LRP6: variants seen among roughly 807,000 people sequenced by gnomAD.
LRP6 encodes the protein LDL receptor related protein 6.
LRP6 carries 43 observed loss-of-function variants against 184.1 expected under a neutral mutation model. The observed-to-expected ratio is 0.23, with a 90% CI of 0.18 to 0.30. LRP6 has a LOEUF of 0.30. LRP6 is among the 10% of genes least tolerant of loss of function. The pLI is 1.00. For missense variants in LRP6, 1,571 were observed against 2,005.3 expected (o/e 0.78, Z 4.14); for synonymous variants, 719 against 684.9 (o/e 1.05, Z -0.78).
At chr12:12,166,990 T>G (rs1034016234) in intron 7 of LRP6, among the ~76,000 whole-genome samples, 1 of 152,118 alleles carries the variant, frequency 6.6e-6, no homozygotes, top group African/African-American at 2.4e-5. Flanking sequence ...TCCTAGCTAC[T>G]AGGGAGGCTA....
chr12:12,251,733 G>A (rs1424257257), intron 1 of LRP6, among the ~76,000 whole-genome samples: 1 of 152,120 alleles, frequency 6.6e-6, no homozygotes, highest in Non-Finnish European at 1.5e-5. Context: ...AATCTCCACA[G>A]AAGGCAAAGA....
intron 4 of LRP6, among the ~76,000 whole-genome samples, chr12:12,185,721 G>A (rs1311051006): frequency 6.6e-6 from 1 of 152,114 alleles, no homozygotes; most frequent in Non-Finnish European, 1.5e-5. Context: ...GGTGGGAGGG[G>A]TACACAGAAA....
In LRP6 at chr12:12,151,952, C is replaced by T. The variant is rs975460125; in HGVS notation, c.2792-914G>A. Among the ~76,000 whole-genome samples, 7 of 152,074 alleles carry T rather than the reference C, an allele frequency of 4.6e-5. No homozygotes were observed. The South Asian group carries it at 6.3e-4, about 14-fold the overall frequency. ...TACTATTTTGTTGTTTATGTGAGGA[C>T]GGCATGGAAAGAGAGCAGGTAAAAA... On this transcript the variant is annotated intron_variant, in intron 12 of 22. Coordinates refer to ENST00000261349, the MANE Select transcript of LRP6 (RefSeq NM_002336.3).
At chr12:12,145,626 T>TTC (rs1555105792) in intron 15 of LRP6, among the ~76,000 whole-genome samples, 1 of 74,902 alleles carries the variant, frequency 1.3e-5, no homozygotes, top group East Asian at 6.9e-4. Context: ...TTCTTTTTCT[T>TTC]TTTTTTTTTT....
intron 2 of LRP6, among the ~76,000 whole-genome samples, chr12:12,221,555 T>C (rs911778643): frequency 6.6e-6 from 1 of 152,206 alleles, no homozygotes; most frequent in Middle Eastern, 3.2e-3. Context: ...TATTTTAAAA[T>C]ATCCATTATG....
chr12:12,261,080 A>G (rs566720847), intron 1 of LRP6, among the ~76,000 whole-genome samples: 48 of 152,226 alleles, frequency 3.2e-4, no homozygotes, highest in Non-Finnish European at 5.9e-4. Context: ...AGTTCAGTAC[A>G]GCAAATGGAA....
At position 12,257,353 on chromosome 12, in the gene LRP6, T is replaced by C. The variant is rs554714668; in HGVS notation, c.55+9328A>G. Among the ~76,000 whole-genome samples the C allele has an allele frequency of 2.3e-3, 349 of 150,604 alleles. 2 individuals are homozygous for C. The highest frequency in any genetic ancestry group is 8.3e-3 in the African/African-American group (338 of 40,928). ...CAGCACTTTGGGAGGCCGAGGCGGG[T>C]GGATCACGAGGTCAGGAGATCAGAC... is the stretch of plus-strand genomic sequence containing the variant. On this transcript the variant is annotated intron_variant, in intron 1 of 22. Coordinates refer to ENST00000261349, the MANE Select transcript of LRP6 (RefSeq NM_002336.3).
At chr12:12,253,298 C>T (rs1865370521) in intron 1 of LRP6, among the ~76,000 whole-genome samples, 1 of 152,034 alleles carries the variant, frequency 6.6e-6, no homozygotes, top group South Asian at 2.1e-4. Context: ...AATCATTACG[C>T]TTATAGATAT....
intron 9 of LRP6, among the ~76,000 whole-genome samples, chr12:12,163,634 A>T (rs1862796157): frequency 6.6e-6 from 1 of 151,808 alleles, no homozygotes; most frequent in South Asian, 2.1e-4. Context: ...TAAATCACGA[A>T]TTTTTTTTTA....
chr12:12,184,237 C>A (rs573645559), intron 4 of LRP6, 126 bp from the exon 5 acceptor site: 3 of 754,180 alleles, frequency 4.0e-6, no homozygotes, highest in South Asian at 1.5e-5. Flanking sequence ...GCTTGACTAT[C>A]AAACCATCTG....
At chr12:12,179,206 TAACTC>T (rs1318599212) in intron 7 of LRP6, among the ~76,000 whole-genome samples, 2 of 152,184 alleles carry the variant, frequency 1.3e-5, no homozygotes, top group Non-Finnish European at 2.9e-5. Context: ...GCCACAAACT[TAACTC>T]TACCACTTGG....
intron 2 of LRP6, among the ~76,000 whole-genome samples, chr12:12,225,458 T>C (rs564968426): frequency 1.3e-5 from 2 of 152,118 alleles, no homozygotes; most frequent in South Asian, 2.1e-4. Flanking sequence ...AGCACCCGAG[T>C]AGGAAAACCT....
chr12:12,142,930 T>C (rs1426959787), intron 15 of LRP6, among the ~76,000 whole-genome samples: 1 of 152,100 alleles, frequency 6.6e-6, no homozygotes, highest in African/African-American at 2.4e-5. Flanking sequence ...GATTCTATTA[T>C]CATCCTATTC....
At chr12:12,237,748 T>A (rs1864961533) in intron 2 of LRP6, among the ~76,000 whole-genome samples, 1 of 152,132 alleles carries the variant, frequency 6.6e-6, no homozygotes, top group Admixed American at 6.6e-5. Context: ...TGGCCAATAA[T>A]CTTCAAAAAT....
At chr12:12,167,186 G>A (rs1862900943) in intron 7 of LRP6, among the ~76,000 whole-genome samples, 1 of 152,178 alleles carries the variant, frequency 6.6e-6, no homozygotes, top group Admixed American at 6.5e-5. Flanking sequence ...GACCTTTTTA[G>A]TAAACATAAT....
intron 2 of LRP6, among the ~76,000 whole-genome samples, chr12:12,234,012 G>A (rs975836620): frequency 8.5e-5 from 13 of 152,166 alleles, no homozygotes; most frequent in Non-Finnish European, 1.9e-4. Context: ...AGTTTTGGCC[G>A]GGCACGGTGG....
intron 19 of LRP6, among the ~76,000 whole-genome samples, chr12:12,127,959 A>C (rs1442705934): frequency 6.6e-6 from 1 of 152,218 alleles, no homozygotes; most frequent in African/African-American, 2.4e-5. Context: ...GACTCTTCTT[A>C]GTCCTTGAGA....
In LRP6 at chr12:12,164,479, T is replaced by A. The variant is rs201504354; in HGVS notation, c.1846A>T (p.Ile616Phe). ...RPQGLRCACP[I>F]GFELISDMKT... ...ATGTCACTGATGAGTTCAAAGCCAA[T>A]AGGGCAAGCACAGCGAAGGCCCTGA... is the stretch of plus-strand genomic sequence containing the variant. The change falls in exon 9 of 23, where the codon ATT (isoleucine) becomes TTT (phenylalanine). Residue 616 changes from isoleucine (I) to phenylalanine (F), a missense_variant. Transcript: ENST00000261349. 2 of 1,614,116 alleles carry A rather than the reference T, an allele frequency of 1.2e-6. No individual in the cohort carries two copies. The highest frequency in any genetic ancestry group is 1.7e-6 in the Non-Finnish European group (2 of 1,180,008).
In LRP6 at chr12:12,237,337, T is replaced by C. The variant is rs146879888; in HGVS notation, c.449+6925A>G. Among the ~76,000 whole-genome samples, 778 of 152,184 alleles carry C rather than the reference T, an allele frequency of 5.1e-3. 6 individuals carry two copies. Among genetic ancestry groups the C allele is most frequent in the African/African-American group, 0.018 (743 of 41,504 alleles). On this transcript the variant is annotated intron_variant, in intron 2 of 22. Transcript: ENST00000261349. The stretch of plus-strand genomic sequence containing the variant: ...GAGACAGGACAGCTCTACGTTAAGG[T>C]AGAAAGCTAATAATGCACACAGAAG...
Sources: gnomAD v4.1 joint callset for allele counts (sites outside exome capture counted in the v4.1 genomes callset) on GRCh38, gnomAD v4.1.1 for gene constraint, MANE v1.5 for transcripts, NCBI Gene and HGNC (gene_info 2026-07-23, HGNC 2026-07-21) for gene names.